The following BROX variants were observed in gnomAD, a reference collection of about 807,000 sequenced individuals.
BROX encodes BRO1 domain and CAAX motif containing.
BROX carries 53 observed loss-of-function variants against 61.0 expected under a neutral mutation model. The observed-to-expected ratio is 0.87, with a 90% CI of 0.70 to 1.09. BROX has a LOEUF of 1.09. BROX is among the 50% of genes least tolerant of loss of function. The pLI is 0.00. For missense variants in BROX, 489 were observed against 472.0 expected (o/e 1.04, Z -0.33); for synonymous variants, 152 against 160.2 (o/e 0.95, Z 0.38).
chr1:222,731,866 G>T (rs1571992016), intron 12 of BROX, among the ~76,000 whole-genome samples: 1 of 152,182 alleles, frequency 6.6e-6, no homozygotes. Flanking sequence ...CAGAGCATTT[G>T]CAGATTTGGC....
chr1:222,729,593 G>C, intron 9 of BROX, 27 bp from the exon 10 acceptor site: 1 of 1,569,850 alleles, frequency 6.4e-7, no homozygotes, highest in Non-Finnish European at 8.8e-7. Flanking sequence ...GGGAGAGAAT[G>C]AATAAAAAAT....
chr1:222,718,118 C>G (rs529914592), intron 2 of BROX: 1 of 151,914 alleles, frequency 6.6e-6, no homozygotes, highest in Non-Finnish European at 1.5e-5. Context: ...AGAGAGAAAA[C>G]CAGAAAGCCA....
At chr1:222,728,951 A>G (rs962190923) in intron 9 of BROX, 123 bp downstream of exon 9, 1 of 610,944 alleles carries the variant, frequency 1.6e-6, no homozygotes, top group African/African-American at 1.8e-5. Flanking sequence ...GCTAACTCTC[A>G]GTAAATGTTC....
chr1:222,719,406 T>C, intron 4 of BROX, 47 bp downstream of exon 4: 1 of 1,351,434 alleles, frequency 7.4e-7, no homozygotes, highest in Non-Finnish European at 1.1e-6. Flanking sequence ...TTTTTGTAAC[T>C]ATGTAGCCAG....
In BROX at chr1:222,728,749, C is replaced by T. The variant is rs1245735222; in HGVS notation, c.677C>T (p.Thr226Ile). 6.3e-7 allele frequency: 1 copy of T among 1,588,226 alleles called. No homozygotes were observed. The highest frequency in any genetic ancestry group is 1.3e-5 in the African/African-American group (1 of 74,636). ...TTTTAAAATGTAACTTTAGATCATA[C>T]TTTATCCAGTTTGGAGCCTGCATAT... is the stretch of plus-strand genomic sequence containing the variant. ...TANFYQKADH[T>I]LSSLEPAYSA... Residue 226 changes from threonine to isoleucine, a missense_variant, in exon 9 of 13, where the codon ACT (threonine) becomes ATT (isoleucine). Transcript: ENST00000340934.
intron 9 of BROX, among the ~76,000 whole-genome samples, chr1:222,729,222 C>G (rs1657748660): frequency 6.6e-6 from 1 of 152,160 alleles, no homozygotes; most frequent in African/African-American, 2.4e-5. Flanking sequence ...ACGTATCAGT[C>G]TGTTATACCC....
intron 12 of BROX, 36 bp from the exon 13 acceptor site, chr1:222,732,592 G>A (rs768995334): frequency 2.8e-6 from 4 of 1,451,340 alleles, no homozygotes; most frequent in Middle Eastern, 1.8e-4. Flanking sequence ...CTCAATCTTA[G>A]TTTATGTACT....
At chr1:222,725,005 G>C (rs776107720) in intron 6 of BROX, among the ~76,000 whole-genome samples, 1 of 152,036 alleles carries the variant, frequency 6.6e-6, no homozygotes, top group Non-Finnish European at 1.5e-5. Flanking sequence ...ATGTTTGCCA[G>C]GCTGGTCTCA....
intron 4 of BROX, among the ~76,000 whole-genome samples, chr1:222,720,923 A>G (rs900880848): frequency 6.6e-6 from 1 of 152,238 alleles, no homozygotes; most frequent in Admixed American, 6.5e-5. Flanking sequence ...ATTCAGCACA[A>G]GTGAGACTTC....
rs146778300 is a variant in BROX at position 222,717,484 on chromosome 1, A to T, written c.102-1441A>T. Among the ~76,000 whole-genome samples the T allele has an allele frequency of 4.2e-3, 647 of 152,356 alleles. 2 individuals carry two copies. The highest frequency in any genetic ancestry group is 0.015 in the African/African-American group (618 of 41,580). On this transcript the variant is annotated intron_variant, in intron 2 of 12. Coordinates refer to ENST00000340934, the MANE Select transcript of BROX (RefSeq NM_144695.4). ...GTTGAGCTGTAGGTGATGATCAAGC[A>T]TCAGTATGGAAATAGCTAGCCAACT...
intron 6 of BROX, among the ~76,000 whole-genome samples, chr1:222,724,951 G>T (rs1207880683): frequency 6.6e-6 from 1 of 151,836 alleles, no homozygotes; most frequent in Non-Finnish European, 1.5e-5. Context: ...CTGCCACCAC[G>T]CCCAGCTAAT....
chr1:222,725,286 A>T (rs1189421988), intron 6 of BROX, among the ~76,000 whole-genome samples, 164 bp from the exon 7 acceptor site: 1 of 152,280 alleles, frequency 6.6e-6, no homozygotes, highest in East Asian at 1.9e-4. Context: ...ACTTTTATTT[A>T]TAAGCTTACT....
intron 1 of BROX, chr1:222,713,320 G>A (rs558420060): frequency 1.0e-6 from 1 of 985,830 alleles, no homozygotes; most frequent in Non-Finnish European, 1.2e-6. Flanking sequence ...GCGTGCGCAC[G>A]GTCGCCGCCC....
At chr1:222,714,546 A>G (rs1656408040) in intron 1 of BROX, among the ~76,000 whole-genome samples, 1 of 146,498 alleles carries the variant, frequency 6.8e-6, no homozygotes, top group Admixed American at 6.8e-5. Flanking sequence ...TTAAGTTGGC[A>G]TCTCACTTAG....
rs575357233 is a variant in BROX at position 222,714,750 on chromosome 1, G to A, written c.-16-934G>A. ...AACCACAGGCGTGGCTACCATCCCC[G>A]GCTGATTTTTGTAGAGACCGGGTCT... On this transcript the variant is annotated intron_variant, in intron 1 of 12. Coordinates refer to ENST00000340934, the MANE Select transcript of BROX (RefSeq NM_144695.4). Among the ~76,000 whole-genome samples the A allele has an allele frequency of 6.6e-5, 10 of 151,652 alleles. No homozygotes were observed. In the South Asian group the frequency reaches 1.0e-3, roughly 16 times the overall value.
At chr1:222,727,819 C>T (rs1009554019) in intron 8 of BROX, among the ~76,000 whole-genome samples, 1 of 152,128 alleles carries the variant, frequency 6.6e-6, no homozygotes, top group Non-Finnish European at 1.5e-5. Context: ...CCTTAACAAG[C>T]TGGGCATGCT....
intron 7 of BROX, among the ~76,000 whole-genome samples, chr1:222,726,331 C>T (rs773521646): frequency 1.1e-4 from 17 of 152,016 alleles, no homozygotes; most frequent in Non-Finnish European, 1.8e-4. Flanking sequence ...TTTGGGAGGC[C>T]GAGGCAGGAG....
At position 222,731,388 on chromosome 1, in the gene BROX, C is replaced by T. The variant is rs148352271; in HGVS notation, c.1021C>T (p.Gln341Ter). Residue 341 changes from glutamine (Q) to a stop codon, truncating the protein, a stop_gained, in exon 12 of 13, where the codon CAG becomes TAG. Transcript: ENST00000340934. LOFTEE classifies it high-confidence loss of function. Reference sequence around the variant, plus strand: ...TCAAAAAATTCCAACAGAAGCCCCACAGCTGGAACTCAAAGCAAATTATGG... The same window carrying T: ...TCAAAAAATTCCAACAGAAGCCCCATAGCTGGAACTCAAAGCAAATTATGG... Reference protein sequence around the residue: ...YFQKIPTEAPQLELKANYGLV... With the variant: ...YFQKIPTEAP 6.4e-7 allele frequency: 1 copy of T among 1,571,634 alleles called. No homozygotes were observed. The highest frequency in any genetic ancestry group is 2.3e-5 in the East Asian group (1 of 43,972).
intron 1 of BROX, 127 bp downstream of exon 1, chr1:222,713,069 C>T (rs1656183645): frequency 9.7e-7 from 1 of 1,034,884 alleles, no homozygotes; most frequent in African/African-American, 1.7e-5. Flanking sequence ...CCAAAAGTCT[C>T]CTTCTAGTGC....
Sources: gnomAD v4.1 joint callset for allele counts (sites outside exome capture counted in the v4.1 genomes callset) on GRCh38, gnomAD v4.1.1 for gene constraint, MANE v1.5 for transcripts, NCBI Gene and HGNC (gene_info 2026-07-23, HGNC 2026-07-21) for gene names.